KIF6: variants seen among roughly 807,000 people sequenced by gnomAD.
KIF6 encodes the protein kinesin family member 6, also known as kinesin-like protein KIF6.
Under a neutral mutation model 112.7 loss-of-function variants are expected in KIF6, and 106 were observed. The ratio of observed to expected loss-of-function variants is 0.94; its 90% CI spans 0.80 to 1.11. The LOEUF is 1.11. KIF6 is among the 50% of genes least tolerant of loss of function. KIF6 has a pLI of 0.00. For missense variants in KIF6, 929 were observed against 964.0 expected (o/e 0.96, Z 0.48); for synonymous variants, 339 against 339.9 (o/e 1.00, Z 0.03).
At chr6:39,456,625 CATCT>C (rs1203005453) in intron 13 of KIF6, among the ~76,000 whole-genome samples, 1 of 122,624 alleles carries the variant, frequency 8.2e-6, no homozygotes, top group African/African-American at 3.6e-5. Context: ...TCAGGAAACC[CATCT>C]CACGTGCAGA....
intron 16 of KIF6, among the ~76,000 whole-genome samples, chr6:39,363,764 G>T (rs149610447): frequency 6.6e-6 from 1 of 152,254 alleles, no homozygotes; most frequent in Non-Finnish European, 1.5e-5. Context: ...TACAGATAAG[G>T]ATATTGAGGT....
chr6:39,346,412 C>T (rs778002387), intron 20 of KIF6, 64 bp downstream of exon 20: 1 of 716,332 alleles, frequency 1.4e-6, no homozygotes, highest in Non-Finnish European at 2.6e-6. Flanking sequence ...CTCCCTTGCC[C>T]CTTCCACCAT....
chr6:39,638,871 C>T (rs185086559), intron 4 of KIF6, among the ~76,000 whole-genome samples: 1 of 152,106 alleles, frequency 6.6e-6, no homozygotes, highest in Admixed American at 6.6e-5. Flanking sequence ...TTTGTTTGAA[C>T]ATAACCAACA....
intron 3 of KIF6, chr6:39,690,704 A>G (rs895551798): frequency 1.3e-5 from 2 of 152,260 alleles, no homozygotes; most frequent in African/African-American, 2.4e-5. Flanking sequence ...GTAACCTAGG[A>G]GTGTCAAGCA....
At chr6:39,542,654 C>T (rs1778852541) in intron 12 of KIF6, among the ~76,000 whole-genome samples, 1 of 152,180 alleles carries the variant, frequency 6.6e-6, no homozygotes, top group Admixed American at 6.5e-5. Flanking sequence ...TTGATAAGCA[C>T]AGCTTTGAGA....
At chr6:39,604,933 G>A (rs1782801157) in intron 6 of KIF6, among the ~76,000 whole-genome samples, 1 of 152,062 alleles carries the variant, frequency 6.6e-6, no homozygotes, top group South Asian at 2.1e-4. Context: ...TCAGGATTTG[G>A]ATTACTTCCC....
At chr6:39,390,874 A>G (rs1464097720) in intron 15 of KIF6, among the ~76,000 whole-genome samples, 1 of 152,200 alleles carries the variant, frequency 6.6e-6, no homozygotes, top group African/African-American at 2.4e-5. Flanking sequence ...ATGATAACCA[A>G]AAGGTTAGAT....
intron 12 of KIF6, among the ~76,000 whole-genome samples, chr6:39,544,229 G>A (rs1331358024): frequency 1.3e-5 from 2 of 152,012 alleles, no homozygotes; most frequent in Admixed American, 1.3e-4. Context: ...AACACAAAGA[G>A]AACACAACAG....
intron 10 of KIF6, among the ~76,000 whole-genome samples, chr6:39,575,168 G>C (rs1018840925): frequency 1.3e-5 from 2 of 152,046 alleles, no homozygotes; most frequent in African/African-American, 2.4e-5. Flanking sequence ...AGCCACACCT[G>C]AACCATGGGC....
chr6:39,337,506 T>C (rs1763098542), intron 22 of KIF6, among the ~76,000 whole-genome samples: 1 of 151,814 alleles, frequency 6.6e-6, no homozygotes, highest in Non-Finnish European at 1.5e-5. Context: ...AGAGATGGGG[T>C]TTCACCATGT....
intron 13 of KIF6, among the ~76,000 whole-genome samples, chr6:39,474,207 A>G: frequency 6.6e-6 from 1 of 152,220 alleles, no homozygotes; most frequent in Non-Finnish European, 1.5e-5. Flanking sequence ...ATGATATATG[A>G]CTAACTGCTA....
intron 3 of KIF6, among the ~76,000 whole-genome samples, chr6:39,643,634 G>T (rs1785018958): frequency 6.6e-6 from 1 of 152,090 alleles, no homozygotes; most frequent in Non-Finnish European, 1.5e-5. Context: ...AAAGAATAAA[G>T]CTGGACCTCT....
intron 13 of KIF6, among the ~76,000 whole-genome samples, chr6:39,476,879 T>A (rs1774457233): frequency 6.6e-6 from 1 of 152,244 alleles, no homozygotes; most frequent in African/African-American, 2.4e-5. Flanking sequence ...TATTTTATGC[T>A]TCTTGAGGGA....
intron 3 of KIF6, among the ~76,000 whole-genome samples, chr6:39,675,694 A>G (rs939779727): frequency 1.3e-5 from 2 of 152,288 alleles, no homozygotes; most frequent in African/African-American, 4.8e-5. Flanking sequence ...TATATAATAG[A>G]CATGTTTAAA....
At chr6:39,515,080 A>G (rs1478483721) in intron 13 of KIF6, among the ~76,000 whole-genome samples, 1 of 152,260 alleles carries the variant, frequency 6.6e-6, no homozygotes, top group African/African-American at 2.4e-5. Flanking sequence ...CCTTTTATAT[A>G]TAATGCACAT....
chr6:39,339,081 C>T (rs996514185), intron 22 of KIF6, among the ~76,000 whole-genome samples: 4 of 152,120 alleles, frequency 2.6e-5, no homozygotes, highest in Admixed American at 6.5e-5. Flanking sequence ...ACTTTATGGG[C>T]CCCAGTTAAG....
chr6:39,478,039 T>A (rs1354500348), intron 13 of KIF6, among the ~76,000 whole-genome samples: 1 of 152,190 alleles, frequency 6.6e-6, no homozygotes, highest in African/African-American at 2.4e-5. Flanking sequence ...ATTTTATTAT[T>A]TTTTAAAAAT....
intron 13 of KIF6, among the ~76,000 whole-genome samples, chr6:39,501,468 C>T (rs1776132107): frequency 6.6e-6 from 1 of 152,164 alleles, no homozygotes; most frequent in Non-Finnish European, 1.5e-5. Context: ...CAGAACTGGG[C>T]TGAGGCTGAG....
intron 3 of KIF6, among the ~76,000 whole-genome samples, chr6:39,704,733 C>T (rs1048381209): frequency 6.6e-6 from 1 of 152,186 alleles, no homozygotes; most frequent in Non-Finnish European, 1.5e-5. Context: ...TCCAAAGTCC[C>T]TGCTCTTAGT....
Sources: gnomAD v4.1 joint callset for allele counts (sites outside exome capture counted in the v4.1 genomes callset) on GRCh38, gnomAD v4.1.1 for gene constraint, MANE v1.5 for transcripts, NCBI Gene and HGNC (gene_info 2026-07-23, HGNC 2026-07-21) for gene names.